KIF26B: variants seen among roughly 807,000 people sequenced by gnomAD.
KIF26B encodes kinesin family member 26B, also known as kinesin-like protein KIF26B.
KIF26B carries 63 observed loss-of-function variants against 151.2 expected under a neutral mutation model. That is an observed-to-expected ratio of 0.42 (90% confidence interval 0.34 to 0.51). The LOEUF (loss-of-function observed/expected upper bound fraction) is 0.51, where lower values mean the gene tolerates loss of function less well. Ranked by LOEUF, KIF26B falls within the 20% of genes least tolerant of loss-of-function variation. KIF26B has a pLI of 0.07. For missense variants in KIF26B, 2,813 were observed against 2,913.6 expected, an observed-to-expected ratio of 0.97 and a Z score of 0.79; for synonymous variants, 1,357 against 1,262.1, an observed-to-expected ratio of 1.08 and a Z score of -1.59.
intron 4 of KIF26B, among the ~76,000 whole-genome samples, chr1:245,486,540 G>A (rs978524348): frequency 5.9e-5 from 9 of 152,080 alleles, no homozygotes; most frequent in East Asian, 3.9e-4. Context: ...TTTTAAATAC[G>A]TAAGATAATT....
chr1:245,471,338 C>T (rs139559613), intron 4 of KIF26B, among the ~76,000 whole-genome samples: 2,674 of 151,978 alleles, frequency 0.018, 27 homozygotes, highest in Middle Eastern at 0.034. Context: ...TTCATCATGT[C>T]GGCCAGGCTG....
At chr1:245,247,935 C>G (rs992889486) in intron 2 of KIF26B, among the ~76,000 whole-genome samples, 2 of 152,192 alleles carry the variant, frequency 1.3e-5, no homozygotes, top group African/African-American at 2.4e-5. Flanking sequence ...ATGCCCTCAG[C>G]TCACCAGAGC....
chr1:245,282,140 A>T (rs1008344238), intron 2 of KIF26B, among the ~76,000 whole-genome samples: 2 of 152,144 alleles, frequency 1.3e-5, no homozygotes, highest in Non-Finnish European at 2.9e-5. Flanking sequence ...GGGTAGGAAG[A>T]ATCAATATCG....
chr1:245,588,732 C>T (rs926539599), intron 5 of KIF26B, among the ~76,000 whole-genome samples: 2 of 152,348 alleles, frequency 1.3e-5, no homozygotes, highest in East Asian at 1.9e-4. Context: ...GTTCCCCATC[C>T]TCTGGGTCTC....
At chr1:245,309,214 CGTT>C (rs1022423686) in intron 2 of KIF26B, among the ~76,000 whole-genome samples, 1 of 152,100 alleles carries the variant, frequency 6.6e-6, no homozygotes, top group African/African-American at 2.4e-5. Flanking sequence ...CTGTCAATGA[CGTT>C]GTGATGGTTA....
At position 245,687,123 on chromosome 1, in the gene KIF26B, C is replaced by A; in HGVS notation, c.4140C>A (p.Ser1380Arg). 6.2e-7 allele frequency: 1 copy of A among 1,613,450 alleles called. No individual in the cohort carries two copies. The highest frequency in any genetic ancestry group is 8.5e-7 in the Non-Finnish European group (1 of 1,179,854). ...VTISNTANLS[S>R]CEGYIPMKTN... ...TCTCCAACACGGCCAATCTGAGCAG[C>A]TGCGAGGGGTACATCCCCATGAAGA... Residue 1380 changes from serine (S) to arginine (R), a missense_variant, in exon 12 of 15, where the codon AGC becomes AGA. Coordinates refer to ENST00000407071, the MANE Select transcript of KIF26B (RefSeq NM_018012.4). This position sits in a 1 kb window ranked among gnomAD's most constrained non-coding sequence, Gnocchi z 4.9.
chr1:245,476,005 C>T (rs566058329), intron 4 of KIF26B, among the ~76,000 whole-genome samples: 2 of 151,918 alleles, frequency 1.3e-5, no homozygotes, highest in South Asian at 4.2e-4. Flanking sequence ...GAGGAAGTAA[C>T]CCAAAGGTCT....
In KIF26B at chr1:245,646,226, C is replaced by A. The variant is rs1236207415; in HGVS notation, c.2204C>A (p.Ala735Asp). The stretch of plus-strand genomic sequence containing the variant: ...TCAGGGCTGTGTCTCTCGCTGTCTG[C>A]TCTGGGCAATGTCATCCTGGCTCTC... Reference protein sequence around the residue: ...GGSGLCLSLSALGNVILALVN... With the variant: ...GGSGLCLSLSDLGNVILALVN... Residue 735 changes from alanine (A) to aspartate (D), a missense_variant, in exon 10 of 15, where the codon GCT (alanine) becomes GAT (aspartate). Around this residue, in one of 3 missense-constraint regions of KIF26B, gnomAD observed 2,060 missense variants for 2,088.6 expected, o/e 0.99. Transcript: ENST00000407071. The A allele has an allele frequency of 6.2e-7, 1 of 1,613,952 alleles. No individual in the cohort carries two copies. Among genetic ancestry groups the A allele is most frequent in the Non-Finnish European group, 8.5e-7 (1 of 1,179,882 alleles).
intron 3 of KIF26B, among the ~76,000 whole-genome samples, chr1:245,383,681 C>A (rs1034328353): frequency 1.3e-5 from 2 of 151,996 alleles, no homozygotes; most frequent in African/African-American, 2.4e-5. Flanking sequence ...TTTGATGAGT[C>A]CATTAGGAGG....
intron 4 of KIF26B, among the ~76,000 whole-genome samples, chr1:245,452,950 ATCTTT>A (rs1398995927): frequency 6.6e-6 from 1 of 152,090 alleles, no homozygotes; most frequent in Non-Finnish European, 1.5e-5. Flanking sequence ...AGTCCAGTTT[ATCTTT>A]TCTTCTGTTG....
intron 2 of KIF26B, among the ~76,000 whole-genome samples, chr1:245,305,349 A>G (rs770298493): frequency 6.6e-6 from 1 of 152,244 alleles, no homozygotes; most frequent in Admixed American, 6.5e-5. Context: ...CACATATTTG[A>G]TAAAGAACCT....
At chr1:245,532,948 T>G (rs1409818135) in intron 4 of KIF26B, among the ~76,000 whole-genome samples, 1 of 152,218 alleles carries the variant, frequency 6.6e-6, no homozygotes, top group Non-Finnish European at 1.5e-5. Flanking sequence ...TAGGTGTTAT[T>G]TCATAATAAA....
intron 2 of KIF26B, among the ~76,000 whole-genome samples, chr1:245,169,417 T>C (rs575232917): frequency 6.6e-6 from 1 of 151,038 alleles, no homozygotes; most frequent in Non-Finnish European, 1.5e-5. Flanking sequence ...GGTAACACGG[T>C]AGACATTCTG....
intron 4 of KIF26B, among the ~76,000 whole-genome samples, chr1:245,492,859 C>A (rs1660436269): frequency 6.6e-6 from 1 of 152,282 alleles, no homozygotes; most frequent in Admixed American, 6.5e-5. Flanking sequence ...TGGCTCACTG[C>A]AACCTCTGCC....
chr1:245,374,584 C>A (rs1037549259), intron 3 of KIF26B, among the ~76,000 whole-genome samples: 19 of 152,010 alleles, frequency 1.2e-4, no homozygotes, highest in African/African-American at 4.6e-4. Context: ...ACTGGGGTCA[C>A]CTGCTTCCCA....
chr1:245,373,098 A>C (rs538216740), intron 3 of KIF26B, among the ~76,000 whole-genome samples: 92 of 152,340 alleles, frequency 6.0e-4, no homozygotes, highest in Admixed American at 1.8e-3. Context: ...GAGTTTTCTA[A>C]ATCCTAGTTT....
At chr1:245,692,589 AGCAAG>A (rs1195779435) in intron 12 of KIF26B, among the ~76,000 whole-genome samples, 3 of 152,128 alleles carry the variant, frequency 2.0e-5, no homozygotes, top group Non-Finnish European at 4.4e-5. Context: ...CAGCAAGCAG[AGCAAG>A]ACGCTAGCAA....
Position 245,218,968 on chromosome 1 carries a change from T to C in KIF26B, c.465+62285T>C, listed in dbSNP as rs965818013. ...CAGTTGGCACTGACCCTTCCAAGAC[T>C]GTGTATGCCAGGAGGGAGCATCTGC... On this transcript the variant is annotated intron_variant, in intron 2 of 14. Transcript: ENST00000407071. This position sits in a 1 kb window ranked among gnomAD's most constrained non-coding sequence, Gnocchi z 4.1. 1.3e-5 allele frequency among the ~76,000 whole-genome samples: 2 copies of C among 152,004 alleles called. No individual in the cohort carries two copies. Among genetic ancestry groups the C allele is most frequent in the African/African-American group, 2.4e-5 (1 of 41,364 alleles).
chr1:245,700,088 G>A (rs947937748), intron 14 of KIF26B, among the ~76,000 whole-genome samples: 11 of 151,942 alleles, frequency 7.2e-5, no homozygotes, highest in Admixed American at 6.5e-4. Flanking sequence ...TCTTGGGACA[G>A]TCTGTGGAGC....
Sources: allele counts gnomAD v4.1 joint callset (sites outside exome capture counted in the v4.1 genomes callset), GRCh38; gene constraint gnomAD v4.1.1; regional missense constraint gnomAD v4.1.1; non-coding constraint Gnocchi (gnomAD v3.1); transcripts MANE v1.5; gene names NCBI Gene and HGNC (gene_info 2026-07-23, HGNC 2026-07-21).